Variants in ZNF407 observed in about 807,000 individuals in gnomAD.
ZNF407 encodes zinc finger protein 407.
ZNF407 carries 17 observed loss-of-function variants against 131.2 expected under a neutral mutation model. The ratio of observed to expected loss-of-function variants is 0.13; its 90% CI spans 0.09 to 0.19. ZNF407 has a LOEUF of 0.19. ZNF407 is among the 10% of genes least tolerant of loss of function. The pLI is 1.00. For missense variants in ZNF407, 2,681 were observed against 2,830.6 expected (o/e 0.95, Z 1.20); for synonymous variants, 1,156 against 1,062.0 (o/e 1.09, Z -1.72).
chr18:74,748,581 T>G (rs920539207), intron 3 of ZNF407, among the ~76,000 whole-genome samples: 1 of 152,156 alleles, frequency 6.6e-6, no homozygotes, highest in Non-Finnish European at 1.5e-5. Context: ...CCTTTTGACT[T>G]TAAAAGCCAA....
At chr18:74,875,126 A>G (rs1403028945) in intron 4 of ZNF407, among the ~76,000 whole-genome samples, 1 of 152,234 alleles carries the variant, frequency 6.6e-6, no homozygotes, top group East Asian at 1.9e-4. Flanking sequence ...GTGTAGTTCC[A>G]GAGAACACCC....
intron 3 of ZNF407, among the ~76,000 whole-genome samples, chr18:74,746,686 C>A (rs1968676626): frequency 6.6e-6 from 1 of 151,800 alleles, no homozygotes; most frequent in Admixed American, 6.6e-5. Context: ...GGAAGGTCTT[C>A]AGGTGCGATA....
chr18:74,726,890 G>T (rs758419785), intron 3 of ZNF407, among the ~76,000 whole-genome samples: 4 of 152,174 alleles, frequency 2.6e-5, no homozygotes, highest in Non-Finnish European at 5.9e-5. Flanking sequence ...GGCATGTGCA[G>T]TATTTCGGTG....
chr18:75,055,931 C>T (rs961175086), intron 8 of ZNF407, among the ~76,000 whole-genome samples: 11 of 152,160 alleles, frequency 7.2e-5, no homozygotes, highest in East Asian at 5.8e-4. Flanking sequence ...AAGAATTTTT[C>T]GGAAATGGTG....
At chr18:74,763,195 CCT>C (rs1568203716) in intron 3 of ZNF407, among the ~76,000 whole-genome samples, 2 of 5,866 alleles carry the variant, frequency 3.4e-4, no homozygotes, top group African/African-American at 6.1e-4. Context: ...CTTCTTAGGA[CCT>C]TTTTTTTTTT....
intron 3 of ZNF407, among the ~76,000 whole-genome samples, chr18:74,677,348 C>T (rs1986434591): frequency 6.6e-6 from 1 of 152,218 alleles, no homozygotes; most frequent in South Asian, 2.1e-4. Context: ...ACCTTGGCCT[C>T]AGAAGGTGCT....
intron 8 of ZNF407, among the ~76,000 whole-genome samples, chr18:74,975,993 T>G (rs897219618): frequency 3.9e-5 from 6 of 152,214 alleles, no homozygotes; most frequent in Admixed American, 3.9e-4. Flanking sequence ...TTTTTTTATT[T>G]ATGTATTTTA....
At chr18:74,696,778 A>G (rs1967368388) in intron 3 of ZNF407, among the ~76,000 whole-genome samples, 1 of 152,178 alleles carries the variant, frequency 6.6e-6, no homozygotes, top group Admixed American at 6.6e-5. Context: ...TACATCATGG[A>G]TGCTCTTGCT....
chr18:74,786,793 GTTTT>G lies in ZNF407; in HGVS notation c.4877+5316_4877+5319del, dbSNP rs869103622. Among the ~76,000 whole-genome samples the G allele has an allele frequency of 5.0e-3, 445 of 89,354 alleles. 66 individuals are homozygous for G. The highest frequency in any genetic ancestry group is 0.016 in the African/African-American group (358 of 22,398). 58.6% of individuals were successfully genotyped at this position (89,354 alleles called of 152,430 possible). A position where few individuals can be genotyped will look rare whatever the true frequency, so the allele number is the denominator to read the frequency against. On this transcript the variant is annotated intron_variant, in intron 4 of 8. Coordinates refer to ENST00000299687, the MANE Select transcript of ZNF407 (RefSeq NM_017757.3). ...AATTGGTTTTAATGTAAAAAAGTAT[GTTTT>G]TTTTTTTTTTTTTTTTTTTTTTTTG... is the stretch of plus-strand genomic sequence containing the variant.
At chr18:74,620,497 G>A (rs935531462) in intron 1 of ZNF407, among the ~76,000 whole-genome samples, 7 of 150,234 alleles carry the variant, frequency 4.7e-5, no homozygotes, top group South Asian at 2.1e-4. Flanking sequence ...TTAATAACCC[G>A]CAGGCAAAAT....
At chr18:74,935,191 C>T (rs1200584624) in intron 8 of ZNF407, among the ~76,000 whole-genome samples, 1 of 152,186 alleles carries the variant, frequency 6.6e-6, no homozygotes, top group Non-Finnish European at 1.5e-5. Flanking sequence ...AGTTCTCTTG[C>T]AATTTTAATA....
intron 8 of ZNF407, among the ~76,000 whole-genome samples, chr18:74,938,248 A>G (rs887570371): frequency 1.3e-5 from 2 of 152,174 alleles, no homozygotes; most frequent in East Asian, 1.9e-4. Flanking sequence ...TATCCCCAGC[A>G]TCATGCTCTG....
At chr18:74,710,022 G>A (rs896995332) in intron 3 of ZNF407, among the ~76,000 whole-genome samples, 94 of 152,204 alleles carry the variant, frequency 6.2e-4, no homozygotes, top group African/African-American at 2.2e-3. Flanking sequence ...ATGTCTGTTT[G>A]TGACTTCTGA....
chr18:74,760,121 T>C (rs1969061822), intron 3 of ZNF407, among the ~76,000 whole-genome samples: 2 of 152,180 alleles, frequency 1.3e-5, no homozygotes, highest in South Asian at 4.1e-4. Flanking sequence ...TCTGAATGTA[T>C]TTTGTAACGT....
At position 74,761,854 on chromosome 18, in the gene ZNF407, A is replaced by G. The variant is rs76386615; in HGVS notation, c.4803-19574A>G. Reference sequence around the variant, plus strand: ...TGCCACCATGTAAACAATACCAAATAAAATGGGAAATTCAGAAATAATCTG... The same window carrying G: ...TGCCACCATGTAAACAATACCAAATGAAATGGGAAATTCAGAAATAATCTG... On this transcript the variant is annotated intron_variant, in intron 3 of 8. Transcript: ENST00000299687. 3.0e-3 allele frequency among the ~76,000 whole-genome samples: 457 copies of G among 152,336 alleles called. 3 individuals carry two copies. The highest frequency in any genetic ancestry group is 0.011 in the African/African-American group (452 of 41,584).
intron 4 of ZNF407, among the ~76,000 whole-genome samples, chr18:74,790,330 A>G (rs1322338368): frequency 6.6e-6 from 1 of 152,220 alleles, no homozygotes; most frequent in African/African-American, 2.4e-5. Flanking sequence ...ATATTGAACT[A>G]TAACTTTTGT....
At chr18:74,861,287 G>T (rs1392899727) in intron 4 of ZNF407, among the ~76,000 whole-genome samples, 1 of 152,224 alleles carries the variant, frequency 6.6e-6, no homozygotes, top group Non-Finnish European at 1.5e-5. Flanking sequence ...TGTGTAAGCA[G>T]CAGGCAAACT....
intron 4 of ZNF407, among the ~76,000 whole-genome samples, chr18:74,810,672 T>C (rs1444270015): frequency 6.6e-6 from 1 of 152,142 alleles, no homozygotes; most frequent in Non-Finnish European, 1.5e-5. Flanking sequence ...TCATAGTTAG[T>C]TTTTAAATTT....
At chr18:74,950,527 G>A (rs746760764) in intron 8 of ZNF407, among the ~76,000 whole-genome samples, 6 of 152,136 alleles carry the variant, frequency 3.9e-5, no homozygotes, top group Admixed American at 2.0e-4. Context: ...AGAAAGTGTT[G>A]TTTTGATGCT....
Sources: allele counts gnomAD v4.1 joint callset (sites outside exome capture counted in the v4.1 genomes callset), GRCh38; gene constraint gnomAD v4.1.1; transcripts MANE v1.5; gene names NCBI Gene and HGNC (gene_info 2026-07-23, HGNC 2026-07-21).